The following COL25A1 variants were observed in gnomAD, a reference collection of about 807,000 sequenced individuals.
COL25A1 encodes the protein collagen alpha-1(XXV) chain.
In COL25A1, 103 loss-of-function variants were observed where a neutral mutation model predicts 128.4. The ratio of observed to expected loss-of-function variants is 0.80; its 90% confidence interval spans 0.68 to 0.94. COL25A1 has a LOEUF of 0.94. Ranked by LOEUF, COL25A1 falls within the 40% of genes least tolerant of loss-of-function variation. COL25A1 has a pLI of 0.00. For missense variants in COL25A1, 745 were observed against 840.0 expected (o/e 0.89, Z 1.40); for synonymous variants, 279 against 277.2 (o/e 1.01, Z -0.06).
At chr4:108,946,563 G>A (rs1354682697) in intron 8 of COL25A1, among the ~76,000 whole-genome samples, 2 of 152,206 alleles carry the variant, frequency 1.3e-5, no homozygotes, top group African/African-American at 2.4e-5. Flanking sequence ...CACCTTCTGT[G>A]CAACATTTAC....
chr4:108,920,661 A>T, intron 11 of COL25A1, 57 bp from the exon 12 acceptor site: 1 of 1,271,148 alleles, frequency 7.9e-7, no homozygotes, highest in South Asian at 1.3e-5. Context: ...AGCTTAGATG[A>T]CCAATTTAAA....
intron 20 of COL25A1, among the ~76,000 whole-genome samples, chr4:108,865,436 C>T (rs986779511): frequency 1.3e-5 from 2 of 152,002 alleles, no homozygotes; most frequent in African/African-American, 4.8e-5. Context: ...CTTAACAGCA[C>T]TGAAGAGGTT....
At chr4:109,149,507 TA>T (rs1771266240) in intron 3 of COL25A1, among the ~76,000 whole-genome samples, 1 of 152,132 alleles carries the variant, frequency 6.6e-6, no homozygotes. Context: ...TTTTAAATAA[TA>T]AAATATAACC....
intron 3 of COL25A1, among the ~76,000 whole-genome samples, chr4:109,177,454 G>A (rs1774207308): frequency 6.6e-6 from 1 of 152,164 alleles, no homozygotes; most frequent in African/African-American, 2.4e-5. Context: ...GGACAAAAGC[G>A]AGCTACAAAA....
chr4:109,161,075 C>A (rs996327354), intron 3 of COL25A1, among the ~76,000 whole-genome samples: 1 of 152,090 alleles, frequency 6.6e-6, no homozygotes, highest in South Asian at 2.1e-4. Flanking sequence ...TGGCCTCAAG[C>A]GATCCTCCCA....
intron 18 of COL25A1, among the ~76,000 whole-genome samples, chr4:108,887,012 A>T (rs1740911069): frequency 6.6e-6 from 1 of 152,210 alleles, no homozygotes; most frequent in African/African-American, 2.4e-5. Context: ...GGAAAGAATT[A>T]GGTGATGAAA....
In COL25A1 at chr4:109,045,436, A is replaced by G. The variant is rs574302527; in HGVS notation, c.420+2732T>C. Among the ~76,000 whole-genome samples, 26 of 152,332 alleles carry G rather than the reference A, an allele frequency of 1.7e-4. No homozygotes were observed. In the East Asian group the frequency reaches 4.2e-3, roughly 25 times the overall value. On this transcript the variant is annotated intron_variant, in intron 5 of 37. Transcript: ENST00000399132. ...GTATTGCCTCTAAATAAACATACTG[A>G]TGATAAACTTATTTAACTGTAATAA... is the stretch of plus-strand genomic sequence containing the variant.
chr4:109,273,441 T>A (rs139426925), intron 3 of COL25A1, among the ~76,000 whole-genome samples: 109 of 152,256 alleles, frequency 7.2e-4, no homozygotes, highest in Non-Finnish European at 6.6e-4. Context: ...CTGAACTACA[T>A]CAGTAAATTA....
intron 15 of COL25A1, 39 bp downstream of exon 15, chr4:108,899,115 G>A: frequency 6.3e-7 from 1 of 1,597,040 alleles, no homozygotes; most frequent in Non-Finnish European, 8.6e-7. Context: ...CTGGTGGTGG[G>A]GAGTAGGGAG....
In COL25A1 at chr4:108,942,821, A is replaced by G. The variant is rs1363278905; in HGVS notation, c.493-1384T>C. ...CCCAGGCCGCAGTGCAGTGGTTACA[A>G]TCTCAGCTCACTGAAGCCTCTGCCT... On this transcript the variant is annotated intron_variant, in intron 8 of 37. Transcript: ENST00000399132. Among the ~76,000 whole-genome samples, 4 of 146,806 alleles carry G rather than the reference A, an allele frequency of 2.7e-5. No homozygotes were observed. The East Asian group carries it at 6.0e-4, about 22-fold the overall frequency.
intron 3 of COL25A1, among the ~76,000 whole-genome samples, chr4:109,176,382 C>CT (rs1774097619): frequency 6.6e-6 from 1 of 152,108 alleles, no homozygotes; most frequent in Non-Finnish European, 1.5e-5. Flanking sequence ...GAGTGAGACT[C>CT]TGCCTCAAAA....
intron 3 of COL25A1, among the ~76,000 whole-genome samples, chr4:109,056,207 A>ATAGAAAAG (rs1475248860): frequency 6.6e-6 from 1 of 152,092 alleles, no homozygotes; most frequent in Non-Finnish European, 1.5e-5. Context: ...TATACTAACA[A>ATAGAAAAG]ATGTGTGAGG....
At chr4:108,913,766 A>G (rs1744543937) in intron 13 of COL25A1, among the ~76,000 whole-genome samples, 1 of 152,246 alleles carries the variant, frequency 6.6e-6, no homozygotes, top group Non-Finnish European at 1.5e-5. Flanking sequence ...GTAGACAGCA[A>G]TCTATTTTGC....
intron 13 of COL25A1, among the ~76,000 whole-genome samples, chr4:108,902,620 A>G (rs937859788): frequency 6.6e-6 from 1 of 152,026 alleles, no homozygotes; most frequent in Non-Finnish European, 1.5e-5. Flanking sequence ...AAACTAAGCA[A>G]TGTGAAGCTT....
intron 3 of COL25A1, among the ~76,000 whole-genome samples, chr4:109,168,540 C>A (rs1256077928): frequency 6.6e-6 from 1 of 152,150 alleles, no homozygotes; most frequent in African/African-American, 2.4e-5. Flanking sequence ...TTAGAACACT[C>A]AGTCATAAAA....
intron 3 of COL25A1, among the ~76,000 whole-genome samples, chr4:109,143,263 C>T (rs1770604031): frequency 6.6e-6 from 1 of 152,204 alleles, no homozygotes; most frequent in Admixed American, 6.5e-5. Context: ...AGGGTTTCTG[C>T]AGAGTGATCT....
At chr4:109,055,954 A>C (rs1409546052) in intron 3 of COL25A1, among the ~76,000 whole-genome samples, 2 of 152,214 alleles carry the variant, frequency 1.3e-5, no homozygotes, top group Non-Finnish European at 2.9e-5. Flanking sequence ...TGTTTGTTTT[A>C]AATATCTTTT....
intron 3 of COL25A1, among the ~76,000 whole-genome samples, chr4:109,233,756 C>G (rs1200526622): frequency 6.6e-6 from 1 of 152,198 alleles, no homozygotes; most frequent in Admixed American, 6.5e-5. Context: ...AGCCCCATTA[C>G]TCATGCTGCA....
intron 6 of COL25A1, among the ~76,000 whole-genome samples, chr4:108,995,230 A>C (rs373593884): frequency 1.9e-4 from 29 of 152,240 alleles, no homozygotes; most frequent in African/African-American, 6.8e-4. Flanking sequence ...ACAAAAGGTT[A>C]GATGAATGGC....
Sources: gnomAD v4.1 joint callset for allele counts (sites outside exome capture counted in the v4.1 genomes callset) on GRCh38, gnomAD v4.1.1 for gene constraint, MANE v1.5 for transcripts, NCBI Gene and HGNC (gene_info 2026-07-23, HGNC 2026-07-21) for gene names.